RYR2: variants seen among roughly 807,000 people sequenced by gnomAD.
The protein encoded by RYR2 is ryanodine receptor 2, also known as cardiac muscle ryanodine receptor-calcium release channel.
A neutral mutation model predicts 601.1 loss-of-function variants in RYR2; 227 were observed. The ratio of observed to expected loss-of-function variants is 0.38; its 90% CI spans 0.34 to 0.42. The LOEUF is 0.42. Ranked by LOEUF, RYR2 falls within the 10% of genes least tolerant of loss-of-function variation. The pLI is 1.00. For synonymous variants in RYR2, 2,223 were observed against 2,175.1 expected (o/e 1.02, Z -0.61); for missense variants, 4,646 against 6,156.5 (o/e 0.75, Z 8.21).
intron 1 of RYR2, among the ~76,000 whole-genome samples, chr1:237,174,489 T>A (rs1320225392): frequency 2.0e-5 from 3 of 152,154 alleles, no homozygotes; most frequent in Non-Finnish European, 4.4e-5. Context: ...ATGTTGGCCA[T>A]TTGCATTTAT....
chr1:237,755,933 A>G (rs1287333896), intron 80 of RYR2, among the ~76,000 whole-genome samples: 1 of 152,184 alleles, frequency 6.6e-6, no homozygotes, highest in Non-Finnish European at 1.5e-5. Context: ...GATTATTCAA[A>G]ACGTGACAAA....
intron 100 of RYR2, among the ~76,000 whole-genome samples, chr1:237,815,013 C>T (rs1459782236): frequency 8.3e-6 from 1 of 120,392 alleles, no homozygotes. Flanking sequence ...TAAGGATCTT[C>T]ACCAGCAGCT....
intron 16 of RYR2, among the ~76,000 whole-genome samples, chr1:237,457,140 G>A (rs1017167470): frequency 6.6e-6 from 1 of 152,124 alleles, no homozygotes; most frequent in Non-Finnish European, 1.5e-5. Flanking sequence ...TTGCAGATGA[G>A]GGGCCTTTAT....
intron 58 of RYR2, among the ~76,000 whole-genome samples, chr1:237,672,416 G>A (rs1685032880): frequency 6.6e-6 from 1 of 152,150 alleles, no homozygotes; most frequent in Non-Finnish European, 1.5e-5. Context: ...GGTGATGGTT[G>A]ATTAAATTAG....
intron 97 of RYR2, among the ~76,000 whole-genome samples, chr1:237,799,026 T>TGTTA (rs1659631189): frequency 2.0e-5 from 3 of 152,216 alleles, no homozygotes; most frequent in African/African-American, 7.2e-5. Context: ...TTTCTTAATC[T>TGTTA]GTTAGCTAGC....
intron 10 of RYR2, among the ~76,000 whole-genome samples, chr1:237,388,868 T>C (rs1036548044): frequency 6.6e-6 from 1 of 152,232 alleles, no homozygotes; most frequent in African/African-American, 2.4e-5. Context: ...TGGTTTGTTA[T>C]GTATCTTTAA....
intron 10 of RYR2, among the ~76,000 whole-genome samples, chr1:237,392,731 C>T (rs901395448): frequency 6.6e-6 from 1 of 152,084 alleles, no homozygotes; most frequent in Non-Finnish European, 1.5e-5. Context: ...TATATTGATA[C>T]ATTTTAAAAT....
chr1:237,198,131 T>C (rs999113685), intron 1 of RYR2, among the ~76,000 whole-genome samples: 1 of 152,216 alleles, frequency 6.6e-6, no homozygotes, highest in South Asian at 2.1e-4. Flanking sequence ...GTTATGGCCA[T>C]GCACTTTGGA....
Position 237,222,305 on chromosome 1 carries a change from C to T in RYR2, c.49-48192C>T, listed in dbSNP as rs891121779. Among the ~76,000 whole-genome samples the T allele has an allele frequency of 4.6e-5, 7 of 151,590 alleles. No homozygotes were observed. In the East Asian group the frequency reaches 5.9e-4, roughly 13 times the overall value. ...GCAGGCGCCTGTAGTCCCAGCTCCT[C>T]GGGAGGCTGAGGCAGGAGAATGGCG... On this transcript the variant is annotated intron_variant, in intron 1 of 104. Coordinates refer to ENST00000366574, the MANE Select transcript of RYR2 (RefSeq NM_001035.3).
chr1:237,217,146 G>A (rs1481115113), intron 1 of RYR2, among the ~76,000 whole-genome samples: 2 of 152,146 alleles, frequency 1.3e-5, no homozygotes, highest in Admixed American at 6.5e-5. Flanking sequence ...TGGGGACCTC[G>A]ACTGGTAGGA....
rs1664097353 is a variant in RYR2 at position 237,496,560 on chromosome 1, A to G, written c.2011A>G (p.Lys671Glu). The change falls in exon 20 of 105, where the codon AAG becomes GAG. Residue 671 changes from lysine (K) to glutamate (E), a missense_variant. By Grantham distance (56) the Lys-to-Glu change is moderately conservative. Around this residue, in one of 17 missense-constraint regions of RYR2, gnomAD observed 1,807 missense variants for 2,088.1 expected, o/e 0.87. Coordinates refer to ENST00000366574, the MANE Select transcript of RYR2 (RefSeq NM_001035.3). ...LGVSEGSAQY[K>E]KWYYELMVDH... Reference sequence around the variant, plus strand: ...CGTCAGTGAAGGTTCTGCTCAGTATAAGAAATGGTACTATGAATTGATGGT... The same window carrying G: ...CGTCAGTGAAGGTTCTGCTCAGTATGAGAAATGGTACTATGAATTGATGGT... 2 of 1,613,998 alleles carry G rather than the reference A, an allele frequency of 1.2e-6. No homozygotes were observed. The highest frequency in any genetic ancestry group is 1.7e-6 in the Non-Finnish European group (2 of 1,179,888).
chr1:237,832,873 A>T lies in RYR2; in HGVS notation c.*226A>T. 2.5e-6 allele frequency: 1 copy of T among 401,462 alleles called. No individual in the cohort carries two copies. The highest frequency in any genetic ancestry group is 4.8e-5 in the South Asian group (1 of 20,704). The allele number at this position is 401,462 out of a possible 1,614,324, so 24.9% of individuals were successfully genotyped here. ...ATAATCTAAATTCATACTCAGACAA[A>T]AAAAGGAATTCTGGAAAGAAAACCA... On this transcript the variant is annotated 3_prime_UTR_variant, in exon 105 of 105. Coordinates refer to ENST00000366574, the MANE Select transcript of RYR2 (RefSeq NM_001035.3).
intron 27 of RYR2, among the ~76,000 whole-genome samples, chr1:237,564,774 T>C (rs538661975): frequency 1.6e-4 from 25 of 152,316 alleles, no homozygotes; most frequent in South Asian, 1.2e-3. Flanking sequence ...AGCCAGCAGA[T>C]TCAGTTAGTT....
chr1:237,227,571 GT>G (rs1332156544), intron 1 of RYR2, among the ~76,000 whole-genome samples: 2 of 152,218 alleles, frequency 1.3e-5, no homozygotes, highest in African/African-American at 2.4e-5. Flanking sequence ...TCTGGGTGGA[GT>G]TTGCATGTTC....
chr1:237,745,298 G>T (rs1203882890), intron 80 of RYR2, among the ~76,000 whole-genome samples: 2 of 151,882 alleles, frequency 1.3e-5, no homozygotes, highest in African/African-American at 4.8e-5. Flanking sequence ...GATAATAATG[G>T]GTATAATAAG....
At chr1:237,473,080 G>A (rs925947803) in intron 17 of RYR2, among the ~76,000 whole-genome samples, 3 of 151,688 alleles carry the variant, frequency 2.0e-5, no homozygotes, top group African/African-American at 7.3e-5. Flanking sequence ...TTATCTACCC[G>A]ATAGGGCTGT....
chr1:237,161,888 AC>A (rs773647526), intron 1 of RYR2, among the ~76,000 whole-genome samples: 2 of 152,108 alleles, frequency 1.3e-5, no homozygotes, highest in African/African-American at 2.4e-5. Flanking sequence ...TGGTTCCAAA[AC>A]CCACCTGTTT....
chr1:237,695,143 C>A (rs1573554006), intron 63 of RYR2, among the ~76,000 whole-genome samples: 1 of 151,904 alleles, frequency 6.6e-6, no homozygotes, highest in East Asian at 1.9e-4. Flanking sequence ...TTTAAAAAAA[C>A]AATTTGGGAT....
In RYR2 at chr1:237,270,527, A is replaced by G. The variant is rs1409511801; in HGVS notation, c.79A>G (p.Thr27Ala). 6.3e-7 allele frequency: 1 copy of G among 1,593,926 alleles called. No individual in the cohort carries two copies. The highest frequency in any genetic ancestry group is 1.3e-5 in the African/African-American group (1 of 74,814). Residue 27 changes from threonine (T) to alanine (A), a missense_variant, in exon 2 of 105, where the codon ACC (threonine) becomes GCC (alanine). By Grantham distance (58) the Thr-to-Ala change is moderately conservative (BLOSUM62 0). Around this residue, in one of 17 missense-constraint regions of RYR2, gnomAD observed 153 missense variants for 203.6 expected, o/e 0.75. Coordinates refer to ENST00000366574, the MANE Select transcript of RYR2 (RefSeq NM_001035.3). Reference protein sequence around the residue: ...DDEVVLQCTATIHKEQQKLCL... With the variant: ...DDEVVLQCTAAIHKEQQKLCL... ...TGAAGTGGTTCTGCAGTGCACCGCA[A>G]CCATCCACAAAGAACAACAGAAGCT... is the stretch of plus-strand genomic sequence containing the variant.
Sources: allele counts gnomAD v4.1 joint callset (sites outside exome capture counted in the v4.1 genomes callset), GRCh38; gene constraint gnomAD v4.1.1; regional missense constraint gnomAD v4.1.1; transcripts MANE v1.5; gene names NCBI Gene and HGNC (gene_info 2026-07-23, HGNC 2026-07-21).